FAM120B: variants seen among roughly 807,000 people sequenced by gnomAD.
FAM120B encodes the protein family with sequence similarity 120 member B.
FAM120B carries 83 observed loss-of-function variants against 96.3 expected under a neutral mutation model. The ratio of observed to expected loss-of-function variants is 0.86; its 90% CI spans 0.72 to 1.03. The LOEUF (loss-of-function observed/expected upper bound fraction) is 1.03. Ranked by LOEUF, FAM120B falls within the 50% of genes least tolerant of loss-of-function variation. The probability of loss-of-function intolerance (pLI) is 0.00; values close to 1 mark genes in which losing one functional copy is unlikely to be tolerated. For missense variants in FAM120B, 1,027 were observed against 1,121.2 expected (o/e 0.92, Z 1.20); for synonymous variants, 407 against 402.7 (o/e 1.01, Z -0.13).
chr6:170,326,593 C>T (rs185044911), intron 3 of FAM120B, among the ~76,000 whole-genome samples: 68 of 152,288 alleles, frequency 4.5e-4, no homozygotes, highest in Non-Finnish European at 6.9e-4. Flanking sequence ...TTGAGGGCTC[C>T]TTCCACAGTC....
intron 4 of FAM120B, among the ~76,000 whole-genome samples, chr6:170,336,308 T>G (rs1375391619): frequency 6.6e-6 from 1 of 152,186 alleles, no homozygotes; most frequent in East Asian, 1.9e-4. Flanking sequence ...ACAGGGAATC[T>G]TTTCCCTGTT....
At chr6:170,353,688 A>G (rs879388284) in intron 5 of FAM120B, among the ~76,000 whole-genome samples, 13 of 152,188 alleles carry the variant, frequency 8.5e-5, no homozygotes, top group Non-Finnish European at 1.8e-4. Flanking sequence ...CAAAAAGAAT[A>G]AAATACCTAG....
chr6:170,394,415 A>G (rs1790618217), intron 8 of FAM120B, among the ~76,000 whole-genome samples: 1 of 152,056 alleles, frequency 6.6e-6, no homozygotes, highest in African/African-American at 2.4e-5. Flanking sequence ...GCCCAGGAGC[A>G]TGTGCCAGCA....
chr6:170,394,191 G>T (rs1296402365), intron 8 of FAM120B, among the ~76,000 whole-genome samples: 1 of 152,194 alleles, frequency 6.6e-6, no homozygotes, highest in Non-Finnish European at 1.5e-5. Context: ...ACTTTCAGTA[G>T]CTAGACTGGG....
upstream of FAM120B, among the ~76,000 whole-genome samples, chr6:170,293,632 C>T (rs1017057343): frequency 1.3e-5 from 2 of 152,022 alleles, no homozygotes; most frequent in East Asian, 3.9e-4. Context: ...AAGCCCTTTT[C>T]TTCTTCTCCC....
intron 3 of FAM120B, among the ~76,000 whole-genome samples, chr6:170,327,629 G>T (rs914405691): frequency 1.3e-5 from 2 of 150,760 alleles, no homozygotes; most frequent in East Asian, 3.9e-4. Context: ...CACTGCACAC[G>T]CAGGCTGCTC....
chr6:170,334,301 C>G (rs1468622782), intron 4 of FAM120B, among the ~76,000 whole-genome samples: 1 of 152,150 alleles, frequency 6.6e-6, no homozygotes, highest in Non-Finnish European at 1.5e-5. Flanking sequence ...ATTTGATTTA[C>G]CAAAATTGCA....
rs542178400 is a variant in FAM120B at position 170,295,658 on chromosome 6, C to A, written c.48+205C>A. On this transcript the variant is annotated intron_variant, in intron 1 of 10. Transcript: ENST00000537664. The surrounding 1 kb of genome is among the most constrained non-coding windows in gnomAD (Gnocchi z 7.8). ...CTGGCCGCGGCTGCGCCGCTGGAGA[C>A]CCGGCGAGTGACTTCCCCGGTGCGG... Among the ~76,000 whole-genome samples, 286 of 152,312 alleles carry A rather than the reference C, an allele frequency of 1.9e-3. 1 individual carries two copies. Among genetic ancestry groups the A allele is most frequent in the African/African-American group, 6.4e-3 (266 of 41,586 alleles).
intron 1 of FAM120B, among the ~76,000 whole-genome samples, chr6:170,299,423 T>G (rs953764377): frequency 1.3e-5 from 2 of 152,238 alleles, no homozygotes; most frequent in Non-Finnish European, 2.9e-5. Flanking sequence ...CTTGAGAGAT[T>G]ATGATCAGAG....
chr6:170,361,218 A>ACGTGTG (rs1554286340), intron 6 of FAM120B, among the ~76,000 whole-genome samples: 2 of 108,878 alleles, frequency 1.8e-5, no homozygotes, highest in African/African-American at 3.4e-5. Flanking sequence ...ATATATATAT[A>ACGTGTG]TATATATATA....
intron 6 of FAM120B, among the ~76,000 whole-genome samples, chr6:170,371,635 C>T (rs1789196792): frequency 6.6e-6 from 1 of 152,092 alleles, no homozygotes; most frequent in Non-Finnish European, 1.5e-5. Flanking sequence ...AGAAATTCTC[C>T]AGAAAGATTA....
intron 4 of FAM120B, among the ~76,000 whole-genome samples, chr6:170,344,539 A>G (rs1583234724): frequency 6.7e-6 from 1 of 149,558 alleles, no homozygotes; most frequent in Middle Eastern, 3.5e-3. Context: ...CGTTCAGTCC[A>G]TTCACCTGCA....
intron 6 of FAM120B, among the ~76,000 whole-genome samples, chr6:170,379,340 T>C (rs1320165147): frequency 1.3e-5 from 2 of 152,244 alleles, no homozygotes; most frequent in African/African-American, 2.4e-5. Flanking sequence ...ATATATTGTT[T>C]ACTCTTATCA....
At chr6:170,356,360 G>GGAATAATATCCC (rs1458934664) in intron 5 of FAM120B, among the ~76,000 whole-genome samples, 1 of 152,142 alleles carries the variant, frequency 6.6e-6, no homozygotes, top group Non-Finnish European at 1.5e-5. Context: ...GATGAAGAAG[G>GGAATAATATCCC]TGCTGTATTA....
intron 2 of FAM120B, among the ~76,000 whole-genome samples, chr6:170,322,247 A>T (rs1054117265): frequency 6.6e-6 from 1 of 152,242 alleles, no homozygotes; most frequent in Non-Finnish European, 1.5e-5. Context: ...AAATGAGTGA[A>T]TGAATATAGT....
At chr6:170,316,233 C>G (rs1225362376) in intron 1 of FAM120B, among the ~76,000 whole-genome samples, 1 of 152,184 alleles carries the variant, frequency 6.6e-6, no homozygotes, top group Non-Finnish European at 1.5e-5. Context: ...CTACCACTGT[C>G]TGGCAGCTGG....
intron 6 of FAM120B, among the ~76,000 whole-genome samples, chr6:170,373,676 A>G (rs960155209): frequency 6.6e-6 from 1 of 152,230 alleles, no homozygotes; most frequent in African/African-American, 2.4e-5. Context: ...TGCCGAGAAG[A>G]GGTGTAATTT....
At chr6:170,366,162 G>T (rs1004891008) in intron 6 of FAM120B, among the ~76,000 whole-genome samples, 1 of 152,228 alleles carries the variant, frequency 6.6e-6, no homozygotes, top group African/African-American at 2.4e-5. Flanking sequence ...CTCTGCAGCT[G>T]TTGGGAGGTG....
chr6:170,318,760 C>G lies in FAM120B; in HGVS notation c.1370C>G (p.Pro457Arg). 3 of 1,612,996 alleles carry G rather than the reference C, an allele frequency of 1.9e-6. No individual in the cohort carries two copies. Among genetic ancestry groups the G allele is most frequent in the Non-Finnish European group, 2.5e-6 (3 of 1,179,690 alleles). Residue 457 changes from proline (P) to arginine (R), a missense_variant, in exon 2 of 11, where the codon CCC becomes CGC. Coordinates refer to ENST00000476287, the MANE Select transcript of FAM120B (RefSeq NM_032448.3). ...GTTCCCATGTATACAGGCTCTGAAC[C>G]CAGGCAAGAAGTTCCCATGTATACA... is the stretch of plus-strand genomic sequence containing the variant. ...QEVPMYTGSE[P>R]RQEVPMYTGP...
Sources: allele counts gnomAD v4.1 joint callset (sites outside exome capture counted in the v4.1 genomes callset), GRCh38; gene constraint gnomAD v4.1.1; non-coding constraint Gnocchi (gnomAD v3.1); transcripts MANE v1.5; gene names NCBI Gene and HGNC (gene_info 2026-07-23, HGNC 2026-07-21).